Variants in TRPC3 observed in about 807,000 individuals in gnomAD.
The protein encoded by TRPC3 is short transient receptor potential channel 3.
In TRPC3, 54 loss-of-function variants were observed where a neutral mutation model predicts 90.9. The ratio of observed to expected loss-of-function variants is 0.59; its 90% CI spans 0.48 to 0.75. The LOEUF is 0.75. Among genes scored for constraint, TRPC3 ranks in the 30% least tolerant of loss-of-function variants. The pLI is 0.00. For missense variants in TRPC3, 918 were observed against 1,194.5 expected, an observed-to-expected ratio of 0.77 and a Z score of 3.41; for synonymous variants, 424 against 450.9, an observed-to-expected ratio of 0.94 and a Z score of 0.75.
Position 121,902,833 on chromosome 4 carries a change from G to GT in TRPC3, c.2463+18dup, listed in dbSNP as rs1437039210. The GT allele has an allele frequency of 6.5e-7, 1 of 1,544,906 alleles. No homozygotes were observed. Among genetic ancestry groups the GT allele is most frequent in the East Asian group, 2.3e-5 (1 of 44,074 alleles). ...ACAGAACATTTATTTTAAGGTCTTG[G>GT]TAAGTTTTCGATACCTACCCTGGAC... On this transcript the variant is annotated intron_variant, in intron 9 of 11. Transcript: ENST00000379645.
At chr4:121,923,656 A>G (rs1387954845) in intron 3 of TRPC3, among the ~76,000 whole-genome samples, 3 of 152,210 alleles carry the variant, frequency 2.0e-5, no homozygotes, top group South Asian at 2.1e-4. Context: ...AGGTACAACT[A>G]TTGTCTTCAC....
chr4:121,903,070 C>A lies in TRPC3; in HGVS notation c.2254-9G>T, dbSNP rs748629720. On this transcript the variant is annotated splice_polypyrimidine_tract_variant and intron_variant, in intron 8 of 11. Coordinates refer to ENST00000379645, the MANE Select transcript of TRPC3 (RefSeq NM_001130698.2). ...TCTACATCACTGTCATCCTGTGTCA[C>A]AAAAATAGAAAAAAAAACTAATTTT... 6.4e-6 allele frequency: 10 copies of A among 1,568,772 alleles called. No individual in the cohort carries two copies. Among genetic ancestry groups the A allele is most frequent in the Admixed American group, 4.0e-5 (2 of 50,076 alleles).
At chr4:121,933,138 G>A (rs1470785797) in intron 1 of TRPC3, 96 bp from the exon 2 acceptor site, 18 of 1,442,726 alleles carry the variant, frequency 1.2e-5, no homozygotes, top group Non-Finnish European at 1.6e-5. Context: ...ACTACCCACT[G>A]CAAACCTCTG....
At position 121,910,041 on chromosome 4, in the gene TRPC3, T is replaced by A. The variant is rs1333332968; in HGVS notation, c.1792+113A>T. ...AAGTTCATGCTTTCTCCACTGTCCA[T>A]AAATATTCAATACACCTCTCATACT... On this transcript the variant is annotated intron_variant, in intron 6 of 11. Coordinates refer to ENST00000379645, the MANE Select transcript of TRPC3 (RefSeq NM_001130698.2). The A allele has an allele frequency of 5.1e-6, 4 of 786,144 alleles. No individual in the cohort carries two copies. In the East Asian group the frequency reaches 7.8e-5, roughly 15 times the overall value. 48.7% of individuals were successfully genotyped at this position (786,144 alleles called of 1,614,324 possible).
At chr4:121,947,849 A>G (rs1730545778) in intron 1 of TRPC3, among the ~76,000 whole-genome samples, 1 of 152,228 alleles carries the variant, frequency 6.6e-6, no homozygotes, top group South Asian at 2.1e-4. Flanking sequence ...GAAAAATCTA[A>G]TGATTTTGTG....
intron 1 of TRPC3, among the ~76,000 whole-genome samples, chr4:121,936,794 C>T (rs749044785): frequency 2.6e-5 from 4 of 152,058 alleles, no homozygotes; most frequent in East Asian, 1.9e-4. Flanking sequence ...ATGCTGGCAC[C>T]GATTTCAGAC....
intron 10 of TRPC3, among the ~76,000 whole-genome samples, chr4:121,889,467 G>A (rs973115226): frequency 1.3e-5 from 2 of 152,000 alleles, no homozygotes; most frequent in African/African-American, 4.8e-5. Flanking sequence ...ACAGGCATAT[G>A]AAAAAATGTT....
intron 7 of TRPC3, among the ~76,000 whole-genome samples, chr4:121,905,048 T>G (rs1459553169): frequency 6.6e-6 from 1 of 152,092 alleles, no homozygotes; most frequent in Non-Finnish European, 1.5e-5. Context: ...TGGAATGCTA[T>G]GCAGTCACTG....
In TRPC3 at chr4:121,947,450, C is replaced by CATTT. The variant is rs1262660056; in HGVS notation, c.215+4012_215+4015dup. Among the ~76,000 whole-genome samples, 4 of 152,084 alleles carry CATTT rather than the reference C, an allele frequency of 2.6e-5. No homozygotes were observed. In the East Asian group the frequency reaches 7.7e-4, roughly 29 times the overall value. Reference sequence around the variant, plus strand: ...CACACACGCTAAGCCAAGACTGGAACATTTATACAAGACCAGTGCCACAGA... The same window carrying CATTT: ...CACACACGCTAAGCCAAGACTGGAACATTTATTTATACAAGACCAGTGCCACAGA... On this transcript the variant is annotated intron_variant, in intron 1 of 11. Transcript: ENST00000379645.
intron 6 of TRPC3, among the ~76,000 whole-genome samples, chr4:121,909,492 C>T (rs2149123993): frequency 6.6e-6 from 1 of 152,206 alleles, no homozygotes; most frequent in South Asian, 2.1e-4. Flanking sequence ...GGAAGGGAGG[C>T]TAACATTACT....
At position 121,889,354 on chromosome 4, in the gene TRPC3, T is replaced by C. The variant is rs1728240175; in HGVS notation, c.2548-6925A>G. Among the ~76,000 whole-genome samples the C allele has an allele frequency of 2.0e-5, 3 of 152,040 alleles. No homozygotes were observed. The South Asian group carries it at 6.2e-4, about 32-fold the overall frequency. The stretch of plus-strand genomic sequence containing the variant: ...ACAAGGGGTTAATATCCAGAATATA[T>C]AAGAAACTTAAACAACTCAACAGCA... On this transcript the variant is annotated intron_variant, in intron 10 of 11. Coordinates refer to ENST00000379645, the MANE Select transcript of TRPC3 (RefSeq NM_001130698.2).
At position 121,903,079 on chromosome 4, in the gene TRPC3, A is replaced by G. The variant is rs763326148; in HGVS notation, c.2254-18T>C. The G allele has an allele frequency of 6.4e-7, 1 of 1,568,460 alleles. No homozygotes were observed. Among genetic ancestry groups the G allele is most frequent in the South Asian group, 1.2e-5 (1 of 84,556 alleles). On this transcript the variant is annotated intron_variant, in intron 8 of 11. Coordinates refer to ENST00000379645, the MANE Select transcript of TRPC3 (RefSeq NM_001130698.2). Reference sequence around the variant, plus strand: ...CTGTCATCCTGTGTCACAAAAATAGAAAAAAAAACTAATTTTAAATGCTAA... The same window carrying G: ...CTGTCATCCTGTGTCACAAAAATAGGAAAAAAAACTAATTTTAAATGCTAA...
chr4:121,907,207 C>T, intron 7 of TRPC3, 96 bp downstream of exon 7: 2 of 1,179,268 alleles, frequency 1.7e-6, no homozygotes, highest in Non-Finnish European at 2.4e-6. Flanking sequence ...TGCTTAAAAA[C>T]ATCTTTATTA....
At chr4:121,933,150 C>CT (rs1469578949) in intron 1 of TRPC3, 108 bp from the exon 2 acceptor site, 2 of 1,421,360 alleles carry the variant, frequency 1.4e-6, no homozygotes, top group Admixed American at 6.1e-5. Flanking sequence ...AAACCTCTGG[C>CT]TGCAGGGGTC....
In TRPC3 at chr4:121,911,981, G is replaced by A. The variant is rs1729122695; in HGVS notation, c.1454C>T (p.Thr485Ile). 3.1e-6 allele frequency: 5 copies of A among 1,613,930 alleles called. No homozygotes were observed. Among genetic ancestry groups the A allele is most frequent in the Non-Finnish European group, 4.2e-6 (5 of 1,179,872 alleles). Residue 485 changes from threonine (T) to isoleucine (I), a missense_variant, in exon 5 of 12, where the codon ACC (threonine) becomes ATC (isoleucine). Coordinates refer to ENST00000379645, the MANE Select transcript of TRPC3 (RefSeq NM_001130698.2). ...FNASDRFEGI[T>I]TLPNITVTDY... Reference sequence around the variant, plus strand: ...AGTAACTGTGATATTGGGCAGCGTGGTGATGCCTTCGAACCTGTCTGAGGC... The same window carrying A: ...AGTAACTGTGATATTGGGCAGCGTGATGATGCCTTCGAACCTGTCTGAGGC...
At chr4:121,887,615 G>A (rs1428697653) in intron 10 of TRPC3, among the ~76,000 whole-genome samples, 3 of 152,150 alleles carry the variant, frequency 2.0e-5, no homozygotes, top group Non-Finnish European at 4.4e-5. Flanking sequence ...TACTGTATTT[G>A]TTTGGACCAA....
rs573688917 is a variant in TRPC3 at position 121,879,781 on chromosome 4, A to G, written c.2721T>C (p.His907=). 10 of 1,608,944 alleles carry G rather than the reference A, an allele frequency of 6.2e-6. No homozygotes were observed. The highest frequency in any genetic ancestry group is 1.1e-5 in the South Asian group (1 of 89,736). Residue 907 remains histidine, a synonymous_variant, in exon 12 of 12, where the codon CAT becomes CAC. Transcript: ENST00000379645. ...TGGGATTCAGTTTCTCACTAAGTTT[A>G]TGAATTAGAATGGCTAATTCCTCAG... ...QATEELAILI[H]KLSEKLNPSM...
chr4:121,941,370 G>A (rs1370072298), intron 1 of TRPC3, among the ~76,000 whole-genome samples: 2 of 152,202 alleles, frequency 1.3e-5, no homozygotes, highest in African/African-American at 2.4e-5. Context: ...TTTGGATGGA[G>A]CAGTTCACCA....
Position 121,879,534 on chromosome 4 carries a change from C to A in TRPC3, c.*202G>T. ...TTGGGCTTTTCAACACAATGGTATGCCACTGTAATGTCAAAGCAGACAAAT... is the reference window on the plus strand; with the variant it reads ...TTGGGCTTTTCAACACAATGGTATGACACTGTAATGTCAAAGCAGACAAAT... On this transcript the variant is annotated 3_prime_UTR_variant, in exon 12 of 12. Transcript: ENST00000379645. 1 of 541,230 alleles carries A rather than the reference C, an allele frequency of 1.8e-6. No individual in the cohort carries two copies. Among genetic ancestry groups the A allele is most frequent in the Non-Finnish European group, 3.1e-6 (1 of 322,098 alleles). The allele number at this position is 541,230 out of a possible 1,614,324, so 33.5% of individuals were successfully genotyped here.
Sources: gnomAD v4.1 joint callset for allele counts (sites outside exome capture counted in the v4.1 genomes callset) on GRCh38, gnomAD v4.1.1 for gene constraint, MANE v1.5 for transcripts, NCBI Gene and HGNC (gene_info 2026-07-23, HGNC 2026-07-21) for gene names.